The following LPP variants were observed in gnomAD, a reference collection of about 807,000 sequenced individuals.
The protein encoded by LPP is LIM domain containing preferred translocation partner in lipoma.
LPP carries 38 observed loss-of-function variants against 60.4 expected under a neutral mutation model. That is an observed-to-expected ratio of 0.63 (90% CI 0.49 to 0.83). LPP has a LOEUF of 0.83. Among genes scored for constraint, LPP ranks in the 40% least tolerant of loss-of-function variants. The pLI, the probability that LPP is intolerant of heterozygous loss-of-function variation, is 0.00. For missense variants in LPP, 902 were observed against 783.6 expected, an observed-to-expected ratio of 1.15 and a Z score of -1.80; for synonymous variants, 328 against 290.8, an observed-to-expected ratio of 1.13 and a Z score of -1.30.
intron 7 of LPP, among the ~76,000 whole-genome samples, chr3:188,669,583 T>A (rs1378702530): frequency 6.6e-6 from 1 of 151,578 alleles, no homozygotes; most frequent in Non-Finnish European, 1.5e-5. Flanking sequence ...CTCAAAAAAA[T>A]AAAAAATAAA....
Position 188,254,773 on chromosome 3 carries a change from C to T in LPP, c.-67+29246C>T, listed in dbSNP as rs764716745. On this transcript the variant is annotated intron_variant, in intron 2 of 11. Coordinates refer to ENST00000617246, the MANE Select transcript of LPP (RefSeq NM_001375462.1). ...GAAAGATGTGGCATGTGGAACTGAA[C>T]GATCAAAATCACTGGGGCAACTGTA... 3.3e-5 allele frequency among the ~76,000 whole-genome samples: 5 copies of T among 152,118 alleles called. No individual in the cohort carries two copies. In the South Asian group the frequency reaches 8.3e-4, roughly 25 times the overall value.
At chr3:188,516,988 T>C (rs930233418) in intron 5 of LPP, among the ~76,000 whole-genome samples, 2 of 152,222 alleles carry the variant, frequency 1.3e-5, no homozygotes, top group Non-Finnish European at 2.9e-5. Flanking sequence ...AACTTAGTTT[T>C]ACTTTTGATC....
chr3:188,753,872 G>C (rs1051131351), intron 8 of LPP, among the ~76,000 whole-genome samples: 1 of 152,150 alleles, frequency 6.6e-6, no homozygotes, highest in Middle Eastern at 3.4e-3. Context: ...CGTACCTGTT[G>C]AACCTTCAAG....
At chr3:188,612,678 T>A (rs1378486858) in intron 7 of LPP, among the ~76,000 whole-genome samples, 3 of 152,198 alleles carry the variant, frequency 2.0e-5, no homozygotes, top group African/African-American at 7.2e-5. Flanking sequence ...TTTTTTTTAG[T>A]CACTGATGGA....
intron 6 of LPP, among the ~76,000 whole-genome samples, chr3:188,552,049 C>T (rs1433320105): frequency 6.6e-6 from 1 of 152,160 alleles, no homozygotes; most frequent in African/African-American, 2.4e-5. Flanking sequence ...TGCATTGTAT[C>T]TGTGGGACCT....
In LPP at chr3:188,350,543, A is replaced by G. The variant is rs79714213; in HGVS notation, c.-10+8824A>G. On this transcript the variant is annotated intron_variant, in intron 3 of 11. Coordinates refer to ENST00000617246, the MANE Select transcript of LPP (RefSeq NM_001375462.1). ...TTCCTTTTGGTGAACCCTAGACTCT[A>G]TCTGCAAAATATGAGCTTTGAACAA... Among the ~76,000 whole-genome samples the G allele has an allele frequency of 6.1e-3, 923 of 152,268 alleles. 5 individuals carry two copies. Among genetic ancestry groups the G allele is most frequent in the African/African-American group, 0.021 (866 of 41,540 alleles).
intron 6 of LPP, among the ~76,000 whole-genome samples, chr3:188,576,525 G>A (rs1834652512): frequency 6.6e-6 from 1 of 152,168 alleles, no homozygotes; most frequent in Non-Finnish European, 1.5e-5. Context: ...ATTCTGTGAT[G>A]CAGGGTTCTG....
In LPP at chr3:188,850,808, A is replaced by C. The variant is rs377711752; in HGVS notation, c.1411-15392A>C. 1.1e-4 allele frequency among the ~76,000 whole-genome samples: 17 copies of C among 152,318 alleles called. No individual in the cohort carries two copies. The East Asian group carries it at 3.1e-3, about 28-fold the overall frequency. ...TGCTGAGTTCAGTTCTGGGCGCCAC[A>C]TGATGAAGGGAACCTGGATAAACTA... On this transcript the variant is annotated intron_variant, in intron 9 of 11. Transcript: ENST00000617246.
intron 7 of LPP, among the ~76,000 whole-genome samples, chr3:188,626,469 AACTGT>A (rs1439915354): frequency 7.9e-5 from 12 of 152,158 alleles, no homozygotes; most frequent in Non-Finnish European, 1.8e-4. Flanking sequence ...ATGAAGGGAC[AACTGT>A]ACCACAAACT....
intron 7 of LPP, among the ~76,000 whole-genome samples, chr3:188,675,715 A>G (rs1400109828): frequency 6.6e-6 from 1 of 152,234 alleles, no homozygotes; most frequent in Non-Finnish European, 1.5e-5. Context: ...TTCAACTCCA[A>G]CATTTAATAA....
intron 9 of LPP, among the ~76,000 whole-genome samples, chr3:188,762,884 C>T (rs1261107304): frequency 6.6e-6 from 1 of 151,734 alleles, no homozygotes; most frequent in Non-Finnish European, 1.5e-5. Flanking sequence ...TTCAGTTAAG[C>T]TTTACCAAAG....
chr3:188,558,465 T>C (rs1345341690), intron 6 of LPP, among the ~76,000 whole-genome samples: 1 of 152,078 alleles, frequency 6.6e-6, no homozygotes, highest in Non-Finnish European at 1.5e-5. Flanking sequence ...ATATATACCC[T>C]GTTATGGTTG....
At chr3:188,529,803 T>G (rs575732088) in intron 6 of LPP, among the ~76,000 whole-genome samples, 2 of 152,252 alleles carry the variant, frequency 1.3e-5, no homozygotes, top group East Asian at 3.9e-4. Flanking sequence ...TCCTTTAGAG[T>G]GATATTTAAT....
At chr3:188,732,716 C>CAAAA (rs1167795146) in intron 8 of LPP, among the ~76,000 whole-genome samples, 1,273 of 74,152 alleles carry the variant, frequency 0.017, 51 homozygotes, top group African/African-American at 0.045. Flanking sequence ...AGACTCTTAT[C>CAAAA]AAAAAAAAAA....
chr3:188,360,771 T>A (rs1484942424), intron 3 of LPP, among the ~76,000 whole-genome samples: 2 of 152,284 alleles, frequency 1.3e-5, no homozygotes, highest in African/African-American at 4.8e-5. Flanking sequence ...TGAACAAAAA[T>A]CTAGATGAAA....
intron 4 of LPP, among the ~76,000 whole-genome samples, chr3:188,470,319 C>CACACACAT (rs138685539): frequency 0.033 from 4,858 of 148,774 alleles, 174 homozygotes; most frequent in East Asian, 0.16. Flanking sequence ...CACACACACA[C>CACACACAT]GCACACATAA....
chr3:188,441,977 C>T (rs1252315892), intron 4 of LPP, among the ~76,000 whole-genome samples: 3 of 152,084 alleles, frequency 2.0e-5, no homozygotes, highest in Non-Finnish European at 4.4e-5. Flanking sequence ...CATATAACTT[C>T]CTCACAGACT....
intron 9 of LPP, among the ~76,000 whole-genome samples, chr3:188,765,975 A>G (rs1291112511): frequency 6.8e-6 from 1 of 147,268 alleles, no homozygotes; most frequent in Non-Finnish European, 1.5e-5. Context: ...GATTCAAGCA[A>G]TTCTCCTGCC....
intron 1 of LPP, among the ~76,000 whole-genome samples, chr3:188,196,199 A>G (rs1729493202): frequency 6.6e-6 from 1 of 152,170 alleles, no homozygotes; most frequent in South Asian, 2.1e-4. Flanking sequence ...CATAAATACA[A>G]GCATTGCAGA....
Sources: gnomAD v4.1 joint callset for allele counts (sites outside exome capture counted in the v4.1 genomes callset) on GRCh38, gnomAD v4.1.1 for gene constraint, MANE v1.5 for transcripts, NCBI Gene and HGNC (gene_info 2026-07-23, HGNC 2026-07-21) for gene names.